The following EHMT1 variants were observed in gnomAD, a reference collection of about 807,000 sequenced individuals.
The protein encoded by EHMT1 is euchromatic histone lysine methyltransferase 1, also known as histone-lysine N-methyltransferase EHMT1.
In EHMT1, 15 loss-of-function variants were observed where a neutral mutation model predicts 147.2. The observed-to-expected ratio is 0.10, with a 90% CI of 0.07 to 0.16. EHMT1 has a LOEUF of 0.16. Among genes scored for constraint, EHMT1 ranks in the 10% least tolerant of loss-of-function variants. The pLI is 1.00. For missense variants in EHMT1, 1,587 were observed against 1,772.4 expected, an observed-to-expected ratio of 0.90 and a Z score of 1.88; for synonymous variants, 795 against 709.6, an observed-to-expected ratio of 1.12 and a Z score of -1.91.
At position 137,716,781 on chromosome 9, in the gene EHMT1, C is replaced by T. The variant is rs1237489848; in HGVS notation, c.241C>T (p.Pro81Ser). ...KHTQDSARVNPQDGTNTLTRI... is the reference protein window; with the variant it reads ...KHTQDSARVNSQDGTNTLTRI... Reference sequence around the variant, plus strand: ...CACTCAGGACAGCGCAAGGGTCAACCCCCAGGATGGCACCAACACACTAAC... The same window carrying T: ...CACTCAGGACAGCGCAAGGGTCAACTCCCAGGATGGCACCAACACACTAAC... Residue 81 changes from proline to serine, a missense_variant, in exon 3 of 27, where the codon CCC (proline) becomes TCC (serine). Pro to Ser is a moderately conservative substitution (Grantham distance 74). Around this residue, in one of 7 missense-constraint regions of EHMT1, gnomAD observed 810 missense variants for 673.0 expected, o/e 1.20. Coordinates refer to ENST00000460843, the MANE Select transcript of EHMT1 (RefSeq NM_024757.5). 4 of 1,613,056 alleles carry T rather than the reference C, an allele frequency of 2.5e-6. No individual in the cohort carries two copies. The highest frequency in any genetic ancestry group is 2.2e-5 in the East Asian group (1 of 44,886).
chr9:137,711,005 T>C lies in EHMT1; in HGVS notation c.60T>C (p.Cys20=), dbSNP rs1386637306. The C allele has an allele frequency of 1.3e-6, 2 of 1,598,628 alleles. No individual in the cohort carries two copies. The highest frequency in any genetic ancestry group is 1.7e-5 in the Admixed American group (1 of 57,894). The change falls in exon 2 of 27, where the codon TGT becomes TGC. Residue 20 remains cysteine, a synonymous_variant. Coordinates refer to ENST00000460843, the MANE Select transcript of EHMT1 (RefSeq NM_024757.5). The stretch of plus-strand genomic sequence containing the variant: ...GGGGGGAGCCTCAGCAGGATTGCTG[T>C]GTGAAAACCGAGCTGCTGGGAGAAG... ...PARGEPQQDC[C]VKTELLGEET...
At position 137,787,817 on chromosome 9, in the gene EHMT1, CA is replaced by C; in HGVS notation, c.2383-3030del. The C allele has an allele frequency of 1.1e-6, 1 of 927,418 alleles. No homozygotes were observed. The highest frequency in any genetic ancestry group is 1.7e-5 in the Admixed American group (1 of 58,848). The allele number at this position is 927,418 out of a possible 1,614,324, so 57.4% of individuals were successfully genotyped here. Reference sequence around the variant, plus strand: ...CTGGGGGCCCTCAGGTTTCAGGGGCCACCCCCCAGTAGGCAGAGCTGGTTGA... The same window carrying C: ...CTGGGGGCCCTCAGGTTTCAGGGGCCCCCCCCAGTAGGCAGAGCTGGTTGA... On this transcript the variant is annotated intron_variant, in intron 15 of 26. Coordinates refer to ENST00000460843, the MANE Select transcript of EHMT1 (RefSeq NM_024757.5). The surrounding 1 kb of genome is among the most constrained non-coding windows in gnomAD (Gnocchi z 4.2).
At chr9:137,741,315 T>A (rs982657408) in intron 4 of EHMT1, among the ~76,000 whole-genome samples, 2 of 152,142 alleles carry the variant, frequency 1.3e-5, no homozygotes, top group Non-Finnish European at 2.9e-5. Context: ...CAGGGTTATC[T>A]CCTTTGTCCT....
At chr9:137,820,318 G>A (rs1219977735) in intron 25 of EHMT1, among the ~76,000 whole-genome samples, 1 of 152,218 alleles carries the variant, frequency 6.6e-6, no homozygotes, top group South Asian at 2.1e-4. Flanking sequence ...GAGTTGTGAG[G>A]CTCCTCTGCT....
At chr9:137,735,812 C>T (rs1947483386) in intron 4 of EHMT1, among the ~76,000 whole-genome samples, 1 of 152,174 alleles carries the variant, frequency 6.6e-6, no homozygotes, top group South Asian at 2.1e-4. Flanking sequence ...AATCTGGCTT[C>T]CTTGGTTTCT....
At chr9:137,832,921 G>A (rs1002778627) in intron 25 of EHMT1, 1 of 152,268 alleles carries the variant, frequency 6.6e-6, no homozygotes. Context: ...AGACCCCGAA[G>A]CAGAGGCCAA....
intron 9 of EHMT1, among the ~76,000 whole-genome samples, chr9:137,761,144 A>G (rs550840262): frequency 6.6e-6 from 1 of 152,354 alleles, no homozygotes; most frequent in South Asian, 2.1e-4. Flanking sequence ...AAGGATTTTT[A>G]GGGTGAACGT....
chr9:137,707,494 A>G (rs572825709), intron 1 of EHMT1, among the ~76,000 whole-genome samples: 2 of 152,244 alleles, frequency 1.3e-5, no homozygotes, highest in East Asian at 1.9e-4. Flanking sequence ...GGAAGTGAGC[A>G]CTGGGGATGC....
In EHMT1 at chr9:137,798,890, T is replaced by C. The variant is rs767570851; in HGVS notation, c.2583T>C (p.Asn861=). The C allele has an allele frequency of 1.2e-6, 2 of 1,614,042 alleles. No homozygotes were observed. Among genetic ancestry groups the C allele is most frequent in the Admixed American group, 3.3e-5 (2 of 60,002 alleles). ...HYEVVQYLLS[N]GQMDVNCQDD... ...AAGTGGTCCAGTACCTGCTTTCAAATGGACAGATGGACGTCAACTGTCAGG... is the reference window on the plus strand; with the variant it reads ...AAGTGGTCCAGTACCTGCTTTCAAACGGACAGATGGACGTCAACTGTCAGG... The change falls in exon 17 of 27, where the codon AAT becomes AAC. Residue 861 remains asparagine (N), a synonymous_variant. Coordinates refer to ENST00000460843, the MANE Select transcript of EHMT1 (RefSeq NM_024757.5).
intron 1 of EHMT1, among the ~76,000 whole-genome samples, chr9:137,647,822 C>T (rs1845015531): frequency 6.6e-6 from 1 of 152,076 alleles, no homozygotes. Context: ...GTCTCGAACT[C>T]CTGAGCTCAG....
At chr9:137,770,437 T>C (rs145986115) in intron 10 of EHMT1, among the ~76,000 whole-genome samples, 34 of 152,358 alleles carry the variant, frequency 2.2e-4, no homozygotes, top group African/African-American at 7.7e-4. Flanking sequence ...TGAGTGTGCT[T>C]CTGTTGATGT....
At position 137,812,929 on chromosome 9, in the gene EHMT1, A is replaced by T. The variant is rs57049934; in HGVS notation, c.2868-77A>T. 29,218 of 1,578,834 alleles carry T rather than the reference A, an allele frequency of 0.019. 4,436 individuals carry two copies. The African/African-American group carries it at 0.34, about 18-fold the overall frequency. ...TTCCCTTTATTGTTAGTGATGACGG[A>T]CATTTTATAAATCTCATCTGTATCA... is the stretch of plus-strand genomic sequence containing the variant. On this transcript the variant is annotated intron_variant, in intron 19 of 26. Coordinates refer to ENST00000460843, the MANE Select transcript of EHMT1 (RefSeq NM_024757.5).
At chr9:137,814,702 T>G in intron 22 of EHMT1, 194 bp downstream of exon 22, 1 of 660,562 alleles carries the variant, frequency 1.5e-6, no homozygotes, top group Non-Finnish European at 2.7e-6. Flanking sequence ...GCCGAGGACA[T>G]GGCTGCGGAT....
At chr9:137,719,888 G>A (rs1462446216) in intron 3 of EHMT1, among the ~76,000 whole-genome samples, 2 of 109,606 alleles carry the variant, frequency 1.8e-5, no homozygotes, top group Admixed American at 9.6e-5. Flanking sequence ...TCGAGGTGCC[G>A]AACCCCCTCC....
At chr9:137,827,669 C>T (rs1955901870) in intron 25 of EHMT1, among the ~76,000 whole-genome samples, 1 of 152,206 alleles carries the variant, frequency 6.6e-6, no homozygotes, top group African/African-American at 2.4e-5. Context: ...CCACTGACTG[C>T]CCCCCTCCAC....
chr9:137,766,676 AACATAGCTAC>A (rs1439346643), intron 10 of EHMT1, among the ~76,000 whole-genome samples: 1 of 152,196 alleles, frequency 6.6e-6, no homozygotes, highest in Non-Finnish European at 1.5e-5. Flanking sequence ...GTCTGATATT[AACATAGCTAC>A]TCAGCTTTCT....
In EHMT1 at chr9:137,644,121, C is replaced by T. The variant is rs538506686; in HGVS notation, c.21+25072C>T. On this transcript the variant is annotated intron_variant, in intron 1 of 26. Coordinates refer to ENST00000460843, the MANE Select transcript of EHMT1 (RefSeq NM_024757.5). ...TACGGTGACCAGGTGGCACTCGGCA[C>T]GGCTGATCCCGCCGTGCATTGCGGA... 2.0e-4 allele frequency among the ~76,000 whole-genome samples: 30 copies of T among 152,274 alleles called. No homozygotes were observed. In the South Asian group the frequency reaches 5.6e-3, roughly 28 times the overall value.
intron 3 of EHMT1, among the ~76,000 whole-genome samples, chr9:137,725,165 T>G (rs1314112980): frequency 6.8e-6 from 1 of 146,294 alleles, no homozygotes; most frequent in Admixed American, 6.8e-5. Flanking sequence ...CGTGTGGCAT[T>G]CGTGTGGCAG....
rs773281152 is a variant in EHMT1 at position 137,752,341 on chromosome 9, A to C, written c.1181A>C (p.Glu394Ala). 2.3e-5 allele frequency: 37 copies of C among 1,614,008 alleles called. No individual in the cohort carries two copies. The highest frequency in any genetic ancestry group is 3.3e-4 in the Middle Eastern group (2 of 6,064). ...TGTGTGGCTGATCAGATGGACGGGG[A>C]GTCCGAGGAGGAGCAGGAGTCCGTG... ...EADRAQKMDG[E>A]SEEEQESVDT... Residue 394 changes from glutamate to alanine, a missense_variant, in exon 7 of 27, where the codon GAG (glutamate) becomes GCG (alanine). Around this residue, in one of 7 missense-constraint regions of EHMT1, gnomAD observed 810 missense variants for 673.0 expected, o/e 1.20. Coordinates refer to ENST00000460843, the MANE Select transcript of EHMT1 (RefSeq NM_024757.5).
Sources: gnomAD v4.1 joint callset for allele counts (sites outside exome capture counted in the v4.1 genomes callset) on GRCh38, gnomAD v4.1.1 for gene constraint, gnomAD v4.1.1 regional missense constraint, Gnocchi (gnomAD v3.1) non-coding constraint, MANE v1.5 for transcripts, NCBI Gene and HGNC (gene_info 2026-07-23, HGNC 2026-07-21) for gene names.